ERBB4: variants seen among roughly 807,000 people sequenced by gnomAD.
ERBB4 encodes receptor tyrosine-protein kinase erbB-4.
ERBB4 carries 42 observed loss-of-function variants against 158.0 expected under a neutral mutation model. That is an observed-to-expected ratio of 0.27 (90% CI 0.21 to 0.34). The LOEUF (loss-of-function observed/expected upper bound fraction) is 0.34. ERBB4 is among the 10% of genes least tolerant of loss of function. ERBB4 has a pLI of 1.00. For missense variants in ERBB4, 1,333 were observed against 1,624.1 expected, an observed-to-expected ratio of 0.82 and a Z score of 3.08; for synonymous variants, 583 against 558.7, an observed-to-expected ratio of 1.04 and a Z score of -0.61.
chr2:211,953,465 C>CAAAAAAAAAA (rs36024345), intron 2 of ERBB4, among the ~76,000 whole-genome samples: 25 of 85,488 alleles, frequency 2.9e-4, no homozygotes, highest in South Asian at 4.2e-4. Flanking sequence ...GGTTTTTCTC[C>CAAAAAAAAAA]AAAAAAAAAA....
intron 22 of ERBB4, among the ~76,000 whole-genome samples, chr2:211,426,001 G>A (rs2063618387): frequency 6.6e-6 from 1 of 152,038 alleles, no homozygotes; most frequent in African/African-American, 2.4e-5. Flanking sequence ...TATATTTAAG[G>A]AGAACACTTT....
intron 1 of ERBB4, among the ~76,000 whole-genome samples, chr2:212,236,279 C>T (rs902410712): frequency 9.2e-5 from 14 of 152,094 alleles, no homozygotes; most frequent in Non-Finnish European, 1.3e-4. Context: ...TATTGATTTG[C>T]GTATGTTGAA....
chr2:211,572,497 C>T (rs948885101), intron 19 of ERBB4, among the ~76,000 whole-genome samples: 9 of 152,140 alleles, frequency 5.9e-5, no homozygotes, highest in African/African-American at 2.2e-4. Flanking sequence ...CCCTGGCTTT[C>T]ATTTGGGTTC....
chr2:212,488,274 C>CT (rs1690086729), intron 1 of ERBB4, among the ~76,000 whole-genome samples: 1 of 151,844 alleles, frequency 6.6e-6, no homozygotes, highest in South Asian at 2.1e-4. Context: ...CTCTGCTTTG[C>CT]TTTTTTTCCT....
At chr2:211,868,148 C>G (rs2078256046) in intron 3 of ERBB4, among the ~76,000 whole-genome samples, 1 of 152,112 alleles carries the variant, frequency 6.6e-6, no homozygotes, top group South Asian at 2.1e-4. Context: ...TAGGAAAAAA[C>G]CTGGTATGTA....
At chr2:212,402,967 G>A (rs2091251402) in intron 1 of ERBB4, among the ~76,000 whole-genome samples, 1 of 151,828 alleles carries the variant, frequency 6.6e-6, no homozygotes. Flanking sequence ...TAAATGTCAG[G>A]GTTGGAAGAC....
intron 20 of ERBB4, among the ~76,000 whole-genome samples, chr2:211,490,001 T>C (rs1391121671): frequency 6.6e-6 from 1 of 152,080 alleles, no homozygotes; most frequent in Middle Eastern, 3.2e-3. Context: ...TGTGATTGTA[T>C]TAAGGTGTGT....
intron 22 of ERBB4, among the ~76,000 whole-genome samples, chr2:211,427,068 C>A (rs1392278654): frequency 1.3e-5 from 2 of 151,934 alleles, no homozygotes; most frequent in East Asian, 1.9e-4. Context: ...ACACATGAAA[C>A]CTTCATGAAA....
chr2:211,504,926 A>G (rs549793109), intron 20 of ERBB4, among the ~76,000 whole-genome samples: 9 of 152,276 alleles, frequency 5.9e-5, no homozygotes, highest in African/African-American at 2.2e-4. Context: ...AAAAACAAGC[A>G]AAGCATTTGA....
chr2:212,530,086 A>G (rs907178759), intron 1 of ERBB4, among the ~76,000 whole-genome samples: 3 of 152,172 alleles, frequency 2.0e-5, no homozygotes, highest in Admixed American at 1.3e-4. Flanking sequence ...AACTAAGATA[A>G]TATTAGAAAT....
At chr2:211,950,818 C>G (rs905482815) in intron 2 of ERBB4, among the ~76,000 whole-genome samples, 1 of 152,082 alleles carries the variant, frequency 6.6e-6, no homozygotes, top group African/African-American at 2.4e-5. Context: ...TGTTCGTACA[C>G]AGCAATTTGT....
intron 3 of ERBB4, among the ~76,000 whole-genome samples, chr2:211,843,483 T>A (rs1030711395): frequency 6.6e-6 from 1 of 152,134 alleles, no homozygotes; most frequent in South Asian, 2.1e-4. Flanking sequence ...GAAGTCATTG[T>A]ATACCACAGA....
intron 1 of ERBB4, among the ~76,000 whole-genome samples, chr2:212,334,250 C>T (rs1229302670): frequency 1.3e-5 from 2 of 151,946 alleles, no homozygotes; most frequent in East Asian, 3.9e-4. Context: ...TTTCCTTTAA[C>T]TACTGAATTC....
intron 20 of ERBB4, among the ~76,000 whole-genome samples, chr2:211,439,616 G>A (rs192095337): frequency 3.3e-5 from 5 of 152,190 alleles, no homozygotes; most frequent in Admixed American, 2.0e-4. Flanking sequence ...AAGTTTTGTC[G>A]TGCACTAGGT....
At chr2:211,616,159 G>A (rs1369651738) in intron 19 of ERBB4, among the ~76,000 whole-genome samples, 1 of 151,482 alleles carries the variant, frequency 6.6e-6, no homozygotes, top group African/African-American at 2.4e-5. Context: ...TATGTAGGGG[G>A]TGAAGTGTGG....
intron 3 of ERBB4, among the ~76,000 whole-genome samples, chr2:211,860,694 T>A (rs1408781073): frequency 2.0e-5 from 3 of 151,566 alleles, no homozygotes; most frequent in African/African-American, 7.3e-5. Flanking sequence ...GCTATGTTAC[T>A]GACAGAAAGA....
chr2:212,046,744 A>C (rs2077271014), intron 2 of ERBB4, among the ~76,000 whole-genome samples: 2 of 152,144 alleles, frequency 1.3e-5, no homozygotes, highest in African/African-American at 2.4e-5. Flanking sequence ...TGTAATGGAA[A>C]AATTTCTTCA....
chr2:212,057,771 A>C (rs907391418), intron 2 of ERBB4, among the ~76,000 whole-genome samples: 5 of 152,204 alleles, frequency 3.3e-5, no homozygotes, highest in African/African-American at 1.2e-4. Flanking sequence ...TCTGGGACAC[A>C]TTCAAAGCAG....
intron 1 of ERBB4, among the ~76,000 whole-genome samples, chr2:212,239,487 A>T (rs993163442): frequency 2.0e-5 from 3 of 152,174 alleles, no homozygotes; most frequent in Non-Finnish European, 4.4e-5. Context: ...CAAAATAGTG[A>T]TTTCTACCTC....
Sources: allele counts gnomAD v4.1 joint callset (sites outside exome capture counted in the v4.1 genomes callset), GRCh38; gene constraint gnomAD v4.1.1; transcripts MANE v1.5; gene names NCBI Gene and HGNC (gene_info 2026-07-23, HGNC 2026-07-21).